The following NKAIN3 variants were observed in gnomAD, a reference collection of about 807,000 sequenced individuals.
NKAIN3 encodes the protein sodium/potassium-transporting ATPase subunit beta-1-interacting protein 3.
In NKAIN3, 25 loss-of-function variants were observed where a neutral mutation model predicts 30.2. That is an observed-to-expected ratio of 0.83 (90% confidence interval 0.60 to 1.16). The LOEUF is 1.16. Ranked by LOEUF, NKAIN3 falls within the 50% of genes most tolerant of loss-of-function variation. NKAIN3 has a pLI of 0.00. For missense variants in NKAIN3, 225 were observed against 254.1 expected (o/e 0.89, Z 0.78); for synonymous variants, 91 against 89.6 (o/e 1.02, Z -0.09).
At chr8:62,782,917 G>A (rs1042702264) in intron 4 of NKAIN3, among the ~76,000 whole-genome samples, 4 of 151,726 alleles carry the variant, frequency 2.6e-5, no homozygotes, top group African/African-American at 9.7e-5. Flanking sequence ...AATATTGTGT[G>A]TATTTCAAAA....
chr8:62,400,438 C>T (rs777832115), intron 1 of NKAIN3, among the ~76,000 whole-genome samples: 6 of 152,138 alleles, frequency 3.9e-5, no homozygotes, highest in Non-Finnish European at 8.8e-5. Context: ...TCCCAGATTT[C>T]TGGCATTACA....
At chr8:62,391,361 C>T (rs983890489) in intron 1 of NKAIN3, among the ~76,000 whole-genome samples, 2 of 152,042 alleles carry the variant, frequency 1.3e-5, no homozygotes, top group African/African-American at 4.8e-5. Flanking sequence ...TATAAATGAA[C>T]TGGTACTAAT....
At position 62,531,797 on chromosome 8, in the gene NKAIN3, G is replaced by A. The variant is rs531876060; in HGVS notation, c.55-47742G>A. On this transcript the variant is annotated intron_variant, in intron 1 of 6. Transcript: ENST00000623646. ...GGAAAGGGAAATCACTGGATTATCT[G>A]TACTGTTTAGCAGCCACACCACCAC... 2.0e-5 allele frequency among the ~76,000 whole-genome samples: 3 copies of A among 152,326 alleles called. No homozygotes were observed. In the South Asian group the frequency reaches 6.2e-4, roughly 32 times the overall value.
intron 1 of NKAIN3, among the ~76,000 whole-genome samples, chr8:62,390,032 A>T (rs1210710267): frequency 6.6e-6 from 1 of 152,014 alleles, no homozygotes; most frequent in Non-Finnish European, 1.5e-5. Flanking sequence ...TTTTTTTTAA[A>T]TTTAACTTTT....
At chr8:62,643,378 AT>A (rs1442566297) in intron 3 of NKAIN3, among the ~76,000 whole-genome samples, 1 of 152,144 alleles carries the variant, frequency 6.6e-6, no homozygotes, top group Non-Finnish European at 1.5e-5. Context: ...TTGGCAACAT[AT>A]AAGTCTCCAA....
intron 3 of NKAIN3, among the ~76,000 whole-genome samples, chr8:62,720,761 T>C (rs1032864964): frequency 6.6e-6 from 1 of 152,216 alleles, no homozygotes; most frequent in Admixed American, 6.5e-5. Flanking sequence ...AAGAAGCTAC[T>C]ATTTTGATCC....
At chr8:62,260,904 T>A (rs1313136193) in intron 1 of NKAIN3, among the ~76,000 whole-genome samples, 5 of 152,238 alleles carry the variant, frequency 3.3e-5, no homozygotes. Context: ...GTATTTTACA[T>A]ACAGTTTGTA....
At chr8:62,501,519 C>T (rs1460322062) in intron 1 of NKAIN3, among the ~76,000 whole-genome samples, 1 of 152,116 alleles carries the variant, frequency 6.6e-6, no homozygotes. Flanking sequence ...CTGTTTGCAG[C>T]TGATTCCAAA....
At chr8:62,344,773 A>G (rs999225348) in intron 1 of NKAIN3, 3 of 368,398 alleles carry the variant, frequency 8.1e-6, no homozygotes, top group African/African-American at 6.4e-5. Flanking sequence ...GCCACTGATA[A>G]AACTAAGAAA....
At chr8:62,264,855 A>G (rs1812557256) in intron 1 of NKAIN3, among the ~76,000 whole-genome samples, 2 of 152,136 alleles carry the variant, frequency 1.3e-5, no homozygotes, top group Non-Finnish European at 2.9e-5. Flanking sequence ...TGGCTGCGTC[A>G]CACCATGAAT....
At chr8:62,624,397 T>C (rs1377240439) in intron 3 of NKAIN3, among the ~76,000 whole-genome samples, 1 of 151,946 alleles carries the variant, frequency 6.6e-6, no homozygotes, top group Non-Finnish European at 1.5e-5. Context: ...TTTTTTTCTC[T>C]CTCAACACTT....
chr8:62,498,809 A>G (rs551206839), intron 1 of NKAIN3, among the ~76,000 whole-genome samples: 2 of 152,104 alleles, frequency 1.3e-5, no homozygotes, highest in East Asian at 3.9e-4. Context: ...GACCCCGTCA[A>G]TCTCACAATG....
intron 4 of NKAIN3, among the ~76,000 whole-genome samples, chr8:62,811,286 TTGTTTAC>T (rs1818480009): frequency 6.6e-6 from 1 of 152,142 alleles, no homozygotes; most frequent in Non-Finnish European, 1.5e-5. Flanking sequence ...GACATCTATG[TTGTTTAC>T]AGTTTTGGGC....
chr8:62,250,718 GATA>G (rs1812075123), intron 1 of NKAIN3, among the ~76,000 whole-genome samples: 1 of 152,280 alleles, frequency 6.6e-6, no homozygotes, highest in South Asian at 2.1e-4. Flanking sequence ...GCATTGTGAT[GATA>G]ATGTTTTTGA....
At chr8:62,696,641 G>T (rs1422881635) in intron 3 of NKAIN3, among the ~76,000 whole-genome samples, 1 of 150,260 alleles carries the variant, frequency 6.7e-6, no homozygotes, top group Non-Finnish European at 1.5e-5. Context: ...TCTACATTTA[G>T]TTCTCTTTGC....
intron 1 of NKAIN3, among the ~76,000 whole-genome samples, chr8:62,376,814 T>TA (rs991476721): frequency 1.3e-4 from 20 of 152,106 alleles, no homozygotes; most frequent in Middle Eastern, 3.4e-3. Context: ...ATAGTAAATA[T>TA]AAAAAAAACT....
At chr8:62,349,460 T>C (rs1475005391) in intron 1 of NKAIN3, among the ~76,000 whole-genome samples, 1 of 152,202 alleles carries the variant, frequency 6.6e-6, no homozygotes, top group Non-Finnish European at 1.5e-5. Flanking sequence ...GTTCAACTAT[T>C]AGTAATTTGT....
At chr8:62,331,121 A>G (rs1815339730) in intron 1 of NKAIN3, among the ~76,000 whole-genome samples, 2 of 147,966 alleles carry the variant, frequency 1.4e-5, no homozygotes, top group Non-Finnish European at 3.0e-5. Context: ...ATATGTATGT[A>G]TATCCCTTCC....
chr8:62,605,141 T>C (rs1482782748), intron 3 of NKAIN3, among the ~76,000 whole-genome samples: 1 of 152,110 alleles, frequency 6.6e-6, no homozygotes, highest in Non-Finnish European at 1.5e-5. Flanking sequence ...AATACAAATA[T>C]GTTCTTGCAT....
Sources: allele counts gnomAD v4.1 joint callset (sites outside exome capture counted in the v4.1 genomes callset), GRCh38; gene constraint gnomAD v4.1.1; transcripts MANE v1.5; gene names NCBI Gene and HGNC (gene_info 2026-07-23, HGNC 2026-07-21).